Variants in MAF observed in about 807,000 individuals in gnomAD.
MAF encodes MAF bZIP transcription factor, also known as transcription factor Maf.
Under a neutral mutation model 22.0 loss-of-function variants are expected in MAF, and 10 were observed. The ratio of observed to expected loss-of-function variants is 0.45; its 90% CI spans 0.28 to 0.77. The LOEUF (loss-of-function observed/expected upper bound fraction) is 0.77. MAF is among the 30% of genes least tolerant of loss of function. The pLI, the probability that MAF is intolerant of heterozygous loss-of-function variation, is 0.12. For missense variants in MAF, 544 were observed against 548.4 expected (o/e 0.99, Z 0.08); for synonymous variants, 337 against 255.8 (o/e 1.32, Z -3.03).
At chr16:79,471,866 G>A in the MAF span, among the ~76,000 whole-genome samples, 1 of 152,100 alleles carries the variant, frequency 6.6e-6, no homozygotes, top group Non-Finnish European at 1.5e-5. Flanking sequence ...ATTATTGTTA[G>A]AAGAAAAAAC....
chr16:79,470,123 G>A, the MAF span, among the ~76,000 whole-genome samples: 2 of 152,218 alleles, frequency 1.3e-5, no homozygotes, highest in African/African-American at 2.4e-5. Flanking sequence ...ACCAACACTG[G>A]CATTTTTCCG....
the MAF span, among the ~76,000 whole-genome samples, chr16:79,218,459 G>A: frequency 2.1e-4 from 32 of 152,244 alleles, no homozygotes; most frequent in Admixed American, 3.3e-4. Context: ...TTTGTAGAGC[G>A]TAGAACTGGA....
the MAF span, among the ~76,000 whole-genome samples, chr16:79,291,312 G>T: frequency 6.6e-6 from 1 of 152,118 alleles, no homozygotes; most frequent in Non-Finnish European, 1.5e-5. Context: ...GTGCTGGTGG[G>T]AGGGACGGAG....
the MAF span, among the ~76,000 whole-genome samples, chr16:79,249,193 G>A: frequency 3.9e-5 from 6 of 152,298 alleles, no homozygotes; most frequent in South Asian, 6.2e-4. Flanking sequence ...GCTGAGGCAG[G>A]CAGATCACCT....
At chr16:79,211,817 GCACA>G in the MAF span, 3 of 1,613,518 alleles carry the variant, frequency 1.9e-6, no homozygotes, top group Non-Finnish European at 2.5e-6. Flanking sequence ...GAGCGGATGG[GCACA>G]CACACCCGCC....
the MAF span, among the ~76,000 whole-genome samples, chr16:79,449,678 T>C: frequency 1.3e-5 from 2 of 152,122 alleles, no homozygotes; most frequent in African/African-American, 4.8e-5. Context: ...ACCTATTTAG[T>C]GATGTTCCAG....
the MAF span, among the ~76,000 whole-genome samples, chr16:79,426,924 C>A: frequency 6.6e-6 from 1 of 152,212 alleles, no homozygotes; most frequent in African/African-American, 2.4e-5. Context: ...GAAAACAATT[C>A]TAACGACATT....
At chr16:79,437,136 C>CTGTGTGTGTG in the MAF span, among the ~76,000 whole-genome samples, 2 of 142,628 alleles carry the variant, frequency 1.4e-5, no homozygotes, top group African/African-American at 2.7e-5. Context: ...GGAGAAAGCT[C>CTGTGTGTGTG]TCTCTCTCTC....
At chr16:79,572,114 T>C in the MAF span, among the ~76,000 whole-genome samples, 1 of 152,224 alleles carries the variant, frequency 6.6e-6, no homozygotes, top group Non-Finnish European at 1.5e-5. Context: ...GCTTTTTCAG[T>C]CTTTTTTACA....
chr16:79,232,858 T>G, the MAF span, among the ~76,000 whole-genome samples: 4 of 134,384 alleles, frequency 3.0e-5, no homozygotes, highest in South Asian at 2.5e-4. Context: ...TTTTTTTTTT[T>G]GAGACAGAGT....
At chr16:79,285,772 G>A in the MAF span, among the ~76,000 whole-genome samples, 4 of 152,182 alleles carry the variant, frequency 2.6e-5, no homozygotes, top group African/African-American at 4.8e-5. Flanking sequence ...GCAGGAAGGC[G>A]GGAGGTGACT....
the MAF span, among the ~76,000 whole-genome samples, chr16:79,368,424 G>C: frequency 0.3 from 45,658 of 151,962 alleles, 8,181 homozygotes; most frequent in Non-Finnish European, 0.42. Context: ...GTCTACGATT[G>C]TGTATTTTAC....
the MAF span, among the ~76,000 whole-genome samples, chr16:79,389,729 C>G: frequency 6.6e-6 from 1 of 152,184 alleles, no homozygotes; most frequent in African/African-American, 2.4e-5. Flanking sequence ...GTAATCCCAG[C>G]ACTTTGGGAG....
the MAF span, among the ~76,000 whole-genome samples, chr16:79,552,677 T>C: frequency 1.3e-5 from 2 of 152,254 alleles, no homozygotes; most frequent in Non-Finnish European, 2.9e-5. Context: ...TCTCATGATT[T>C]GTCTTCACTA....
the MAF span, among the ~76,000 whole-genome samples, chr16:79,217,647 G>C: frequency 6.6e-6 from 1 of 152,050 alleles, no homozygotes; most frequent in Admixed American, 6.6e-5. Context: ...AGGAAGAGTA[G>C]GCCAGTTTCT....
At chr16:79,427,864 T>C in the MAF span, among the ~76,000 whole-genome samples, 2 of 152,070 alleles carry the variant, frequency 1.3e-5, no homozygotes, top group Non-Finnish European at 2.9e-5. Context: ...GCTCTGTGCC[T>C]CCAGGACTTA....
the MAF span, among the ~76,000 whole-genome samples, chr16:79,386,254 C>G: frequency 6.6e-6 from 1 of 152,068 alleles, no homozygotes; most frequent in Non-Finnish European, 1.5e-5. Context: ...ATACAACTCA[C>G]CATAATGTAG....
At chr16:79,276,161 GAAA>G in the MAF span, among the ~76,000 whole-genome samples, 7 of 151,760 alleles carry the variant, frequency 4.6e-5, no homozygotes, top group South Asian at 1.0e-3. Flanking sequence ...AAGAAAGAAA[GAAA>G]GAAAGGAAAG....
the MAF span, among the ~76,000 whole-genome samples, chr16:79,281,719 G>C: frequency 6.6e-6 from 1 of 151,886 alleles, no homozygotes; most frequent in African/African-American, 2.4e-5. Flanking sequence ...GCTAATTTTT[G>C]TCTTTTTAGT....
Sources: gnomAD v4.1 joint callset for allele counts (sites outside exome capture counted in the v4.1 genomes callset) on GRCh38, gnomAD v4.1.1 for gene constraint, MANE v1.5 for transcripts, NCBI Gene and HGNC (gene_info 2026-07-23, HGNC 2026-07-21) for gene names.